Variants in GABRA3 observed in about 807,000 individuals in gnomAD.
GABRA3 encodes gamma-aminobutyric acid receptor subunit alpha-3.
Under a neutral mutation model 30.1 loss-of-function variants are expected in GABRA3, and 10 were observed. The observed-to-expected ratio is 0.33, with a 90% CI of 0.20 to 0.56. GABRA3 has a LOEUF of 0.56. GABRA3 is among the 20% of genes least tolerant of loss of function. The probability of loss-of-function intolerance (pLI) is 0.89; values close to 1 mark genes in which losing one functional copy is unlikely to be tolerated. For missense variants in GABRA3, 233 were observed against 392.0 expected, an observed-to-expected ratio of 0.59 and a Z score of 3.42; for synonymous variants, 151 against 146.8, an observed-to-expected ratio of 1.03 and a Z score of -0.21.
chrX:152,234,068 G>A (rs182061135), intron 5 of GABRA3, among the ~76,000 whole-genome samples: 1,960 of 66,989 alleles, frequency 0.029, 41 homozygotes, highest in Middle Eastern at 0.11. Context: ...AGGGGGGAGG[G>A]ATAGCATTGG....
chrX:152,183,434 T>A (rs761686868), intron 9 of GABRA3, among the ~76,000 whole-genome samples: 1 of 111,333 alleles, frequency 9.0e-6, no homozygotes, highest in African/African-American at 3.2e-5. Context: ...TTTTTTGTAT[T>A]TGAGTCTTCT....
intron 1 of GABRA3, among the ~76,000 whole-genome samples, chrX:152,423,246 G>A (rs917605279): frequency 2.7e-5 from 3 of 111,952 alleles, no homozygotes; most frequent in African/African-American, 9.7e-5. Flanking sequence ...AAATGGTAAA[G>A]AGATTTACTT....
chrX:152,388,216 G>C (rs1011115760), intron 1 of GABRA3, among the ~76,000 whole-genome samples: 2 of 111,378 alleles, frequency 1.8e-5, no homozygotes, highest in African/African-American at 6.5e-5. Context: ...CAAAGAGATA[G>C]AGTGTCTTGT....
At chrX:152,297,880 T>C (rs1346647622) in intron 3 of GABRA3, among the ~76,000 whole-genome samples, 1 of 112,159 alleles carries the variant, frequency 8.9e-6, no homozygotes, top group Non-Finnish European at 1.9e-5. Flanking sequence ...TCCCAAGAGC[T>C]AGTAGGACTT....
intron 9 of GABRA3, among the ~76,000 whole-genome samples, chrX:152,171,015 C>T (rs1003223159): frequency 4.5e-5 from 5 of 111,945 alleles, no homozygotes; most frequent in African/African-American, 1.3e-4. Flanking sequence ...GAATAGAGCC[C>T]TGCTGCTAAA....
chrX:152,369,451 C>T (rs1321180264), intron 1 of GABRA3, among the ~76,000 whole-genome samples: 1 of 111,219 alleles, frequency 9.0e-6, no homozygotes, highest in East Asian at 2.8e-4. Flanking sequence ...ACTACCCTCC[C>T]GTCTCACACA....
chrX:152,267,790 G>A (rs763435280), intron 4 of GABRA3, among the ~76,000 whole-genome samples: 2 of 110,819 alleles, frequency 1.8e-5, no homozygotes, highest in Non-Finnish European at 3.8e-5. Flanking sequence ...CAATTTATTG[G>A]TGTATAATTG....
chrX:152,275,131 TATATA>T (rs1455888010), intron 4 of GABRA3, among the ~76,000 whole-genome samples: 12 of 66,454 alleles, frequency 1.8e-4, no homozygotes, highest in South Asian at 6.2e-4. Context: ...ACATTAAATA[TATATA>T]ATATAATATA....
At chrX:152,288,649 A>G (rs779360318) in intron 3 of GABRA3, among the ~76,000 whole-genome samples, 2 of 111,968 alleles carry the variant, frequency 1.8e-5, no homozygotes, top group African/African-American at 3.2e-5. Context: ...CTCTATGTGA[A>G]GGAATGACTA....
At chrX:152,279,592 G>A (rs1023531459) in intron 4 of GABRA3, among the ~76,000 whole-genome samples, 6 of 111,111 alleles carry the variant, frequency 5.4e-5, no homozygotes, top group African/African-American at 1.3e-4. Context: ...TTGGCAATGC[G>A]GGCTTTTTTT....
chrX:152,274,397 C>CAA (rs374769264), intron 4 of GABRA3, among the ~76,000 whole-genome samples: 3,725 of 107,106 alleles, frequency 0.035, 132 homozygotes, highest in African/African-American at 0.096. Context: ...CCACCCCCGA[C>CAA]AAAAAAAAAT....
chrX:152,349,537 G>C (rs374868964), intron 2 of GABRA3, among the ~76,000 whole-genome samples: 15 of 109,234 alleles, frequency 1.4e-4, no homozygotes, highest in East Asian at 1.2e-3. Context: ...CAAGACCCAT[G>C]AGTGTGCTGT....
chrX:152,415,976 GA>G (rs1930203654), intron 1 of GABRA3, among the ~76,000 whole-genome samples: 1 of 81,034 alleles, frequency 1.2e-5, no homozygotes, highest in South Asian at 5.2e-4. Context: ...ATTAAATAAT[GA>G]TGATTCATTT....
rs558755281 is a variant in GABRA3, at chrX:152,439,390, C to CT, written c.-27+11755_-27+11756insA. On this transcript the variant is annotated intron_variant, in intron 1 of 9. Transcript: ENST00000370314. ...TCAAGTGATTCACCTGCCACGGCCTCCAAAGCACTGGGATTACAGGCATGA... is the reference window on the plus strand; with the variant it reads ...TCAAGTGATTCACCTGCCACGGCCTCTCAAAGCACTGGGATTACAGGCATGA... Among the ~76,000 whole-genome samples, 27 of 111,142 alleles carry CT rather than the reference C, an allele frequency of 2.4e-4. No homozygotes were observed. In the South Asian group the frequency reaches 9.6e-3, roughly 40 times the overall value.
chrX:152,172,699 A>C, intron 9 of GABRA3, among the ~76,000 whole-genome samples: 1 of 112,155 alleles, frequency 8.9e-6, no homozygotes. Flanking sequence ...AGCCAGTCAC[A>C]AAAGGATAAC....
chrX:152,176,216 T>C (rs139142706), intron 9 of GABRA3, among the ~76,000 whole-genome samples: 1 of 110,450 alleles, frequency 9.1e-6, no homozygotes, highest in Non-Finnish European at 1.9e-5. Flanking sequence ...TCCTGTAAGG[T>C]TTTGAGCACC....
At chrX:152,406,473 A>T (rs187326611) in intron 1 of GABRA3, among the ~76,000 whole-genome samples, 2,358 of 107,996 alleles carry the variant, frequency 0.022, 32 homozygotes, top group South Asian at 0.059. Context: ...CAAAAAAAAA[A>T]CTATAAGAAG....
intron 1 of GABRA3, among the ~76,000 whole-genome samples, chrX:152,428,057 T>A (rs757732213): frequency 8.9e-6 from 1 of 112,505 alleles, no homozygotes; most frequent in East Asian, 2.8e-4. Context: ...TACTTGCCCC[T>A]GCAATGTACT....
chrX:152,381,576 C>A (rs938068410), intron 1 of GABRA3, among the ~76,000 whole-genome samples: 1 of 111,183 alleles, frequency 9.0e-6, no homozygotes, highest in Non-Finnish European at 1.9e-5. Flanking sequence ...ATTATGTATA[C>A]TTTAAGTTCT....
Sources: allele counts gnomAD v4.1 joint callset (sites outside exome capture counted in the v4.1 genomes callset), GRCh38; gene constraint gnomAD v4.1.1; transcripts MANE v1.5; gene names NCBI Gene and HGNC (gene_info 2026-07-23, HGNC 2026-07-21).